The following RBPJ variants were observed in gnomAD, a reference collection of about 807,000 sequenced individuals.
RBPJ encodes the protein recombining binding protein suppressor of hairless.
In RBPJ, 9 loss-of-function variants were observed where a neutral mutation model predicts 67.8. That is an observed-to-expected ratio of 0.13 (90% CI 0.08 to 0.23). The LOEUF is 0.23. Among genes scored for constraint, RBPJ ranks in the 10% least tolerant of loss-of-function variants. The pLI, the probability that RBPJ is intolerant of heterozygous loss-of-function variation, is 1.00. For synonymous variants in RBPJ, 198 were observed against 203.3 expected (o/e 0.97, Z 0.22); for missense variants, 305 against 595.6 (o/e 0.51, Z 5.08).
chr4:26,403,351 C>T (rs1733052970), intron 2 of RBPJ, among the ~76,000 whole-genome samples: 1 of 151,942 alleles, frequency 6.6e-6, no homozygotes, highest in South Asian at 2.1e-4. Context: ...CAATACTTCC[C>T]CTAAAAGTGC....
intron 1 of RBPJ, among the ~76,000 whole-genome samples, chr4:26,234,086 C>T (rs919584254): frequency 7.9e-5 from 12 of 152,144 alleles, no homozygotes; most frequent in African/African-American, 2.9e-4. Flanking sequence ...GAAGCCACGA[C>T]TTTTGCAAAT....
chr4:26,146,566 G>A, the RBPJ span, among the ~76,000 whole-genome samples: 1 of 152,142 alleles, frequency 6.6e-6, no homozygotes, highest in Non-Finnish European at 1.5e-5. Context: ...ACATTTTTGT[G>A]CTTCACAAGA....
chr4:26,108,721 C>G, the RBPJ span, among the ~76,000 whole-genome samples: 2 of 152,176 alleles, frequency 1.3e-5, no homozygotes, highest in African/African-American at 2.4e-5. Context: ...GGGGAGTGGC[C>G]TCTTAAAGGA....
intron 1 of RBPJ, among the ~76,000 whole-genome samples, chr4:26,349,450 T>G (rs901418320): frequency 6.6e-6 from 1 of 152,190 alleles, no homozygotes; most frequent in African/African-American, 2.4e-5. Flanking sequence ...GAATATCACT[T>G]CTTTAATACT....
the RBPJ span, among the ~76,000 whole-genome samples, chr4:26,122,032 G>C: frequency 1.7e-4 from 26 of 151,862 alleles, no homozygotes; most frequent in African/African-American, 6.0e-4. Flanking sequence ...GCACATGATC[G>C]GTTCAGGCAT....
intron 1 of RBPJ, among the ~76,000 whole-genome samples, chr4:26,324,273 G>A (rs1007005819): frequency 1.3e-5 from 2 of 152,026 alleles, no homozygotes; most frequent in African/African-American, 4.8e-5. Context: ...AGCGATAGTG[G>A]GATTTTTTAA....
At chr4:26,192,095 G>A (rs1717578334) in intron 1 of RBPJ, among the ~76,000 whole-genome samples, 1 of 149,196 alleles carries the variant, frequency 6.7e-6, no homozygotes. Flanking sequence ...TGCAACCTCT[G>A]CCTCCCAGGT....
At chr4:26,131,264 A>G in the RBPJ span, among the ~76,000 whole-genome samples, 4 of 152,348 alleles carry the variant, frequency 2.6e-5, no homozygotes, top group East Asian at 1.9e-4. Context: ...GGTGGTTGCC[A>G]TGTTTTTCAA....
the RBPJ span, among the ~76,000 whole-genome samples, chr4:26,137,956 G>A: frequency 1.3e-5 from 2 of 152,228 alleles, no homozygotes; most frequent in Non-Finnish European, 1.5e-5. Context: ...GGAAGAGCAT[G>A]CAACTCAGTC....
the RBPJ span, among the ~76,000 whole-genome samples, chr4:26,105,517 A>G: frequency 6.6e-6 from 1 of 152,204 alleles, no homozygotes; most frequent in African/African-American, 2.4e-5. Flanking sequence ...ATAAACAACC[A>G]AAACTTTGGA....
intron 1 of RBPJ, among the ~76,000 whole-genome samples, chr4:26,248,159 C>T (rs1398786191): frequency 6.6e-6 from 1 of 152,018 alleles, no homozygotes; most frequent in East Asian, 1.9e-4. Flanking sequence ...GGTGTGGTGG[C>T]ACACACCTGT....
At chr4:26,284,593 C>G (rs943597779) in intron 1 of RBPJ, among the ~76,000 whole-genome samples, 1 of 150,572 alleles carries the variant, frequency 6.6e-6, no homozygotes, top group African/African-American at 2.4e-5. Flanking sequence ...CTCAGTCTCT[C>G]GAGTAGCTGG....
At chr4:26,234,510 T>G (rs1287898606) in intron 1 of RBPJ, among the ~76,000 whole-genome samples, 1 of 152,180 alleles carries the variant, frequency 6.6e-6, no homozygotes, top group Non-Finnish European at 1.5e-5. Flanking sequence ...TTTTCTTACC[T>G]TGTTCAAGTC....
the RBPJ span, among the ~76,000 whole-genome samples, chr4:26,150,903 C>T: frequency 1.3e-5 from 2 of 152,154 alleles, no homozygotes; most frequent in African/African-American, 4.8e-5. Flanking sequence ...CAGCATCAGA[C>T]AAGAGTAAAT....
chr4:26,113,599 C>G, the RBPJ span: 16 of 396,218 alleles, frequency 4.0e-5, no homozygotes, highest in Non-Finnish European at 6.6e-5. Flanking sequence ...ATGGGAAATC[C>G]TTCTGCCCCA....
chr4:26,202,928 A>C (rs1272863667), intron 1 of RBPJ, among the ~76,000 whole-genome samples: 1 of 143,222 alleles, frequency 7.0e-6, no homozygotes, highest in African/African-American at 2.5e-5. Flanking sequence ...AAAAAGAAAA[A>C]GAGAGAAAGA....
At chr4:26,340,248 A>C (rs996198793) in intron 1 of RBPJ, among the ~76,000 whole-genome samples, 1 of 152,238 alleles carries the variant, frequency 6.6e-6, no homozygotes, top group African/African-American at 2.4e-5. Flanking sequence ...TATCTGAGAA[A>C]GACGTGGAGG....
chr4:26,153,739 G>A, the RBPJ span, among the ~76,000 whole-genome samples: 3 of 152,116 alleles, frequency 2.0e-5, no homozygotes, highest in Non-Finnish European at 2.9e-5. Flanking sequence ...AACTTAGGCC[G>A]TTTTTCTGCA....
intron 1 of RBPJ, among the ~76,000 whole-genome samples, chr4:26,369,324 G>A (rs557134361): frequency 7.9e-5 from 12 of 152,348 alleles, no homozygotes; most frequent in African/African-American, 2.6e-4. Context: ...GAATATCTGA[G>A]TGTGTTATGC....
Sources: gnomAD v4.1 joint callset for allele counts (sites outside exome capture counted in the v4.1 genomes callset) on GRCh38, gnomAD v4.1.1 for gene constraint, MANE v1.5 for transcripts, NCBI Gene and HGNC (gene_info 2026-07-23, HGNC 2026-07-21) for gene names.